Variants in CANT1 observed in about 807,000 individuals in gnomAD.
CANT1 encodes calcium activated nucleotidase 1, also known as soluble calcium-activated nucleotidase 1.
Under a neutral mutation model 30.0 loss-of-function variants are expected in CANT1, and 26 were observed. The observed-to-expected ratio is 0.87, with a 90% CI of 0.64 to 1.20. The LOEUF (loss-of-function observed/expected upper bound fraction) is 1.20. Ranked by LOEUF, CANT1 falls within the 50% of genes most tolerant of loss-of-function variation. The probability of loss-of-function intolerance (pLI) is 0.00; values close to 1 mark genes in which losing one functional copy is unlikely to be tolerated. For missense variants in CANT1, 518 were observed against 563.0 expected (o/e 0.92, Z 0.81); for synonymous variants, 246 against 251.8 (o/e 0.98, Z 0.22).
At chr17:79,000,976 G>C (rs552755864) in intron 1 of CANT1, among the ~76,000 whole-genome samples, 11 of 152,282 alleles carry the variant, frequency 7.2e-5, no homozygotes, top group Admixed American at 7.2e-4. Flanking sequence ...GATGCCAGGT[G>C]AGCCATTAGC....
At chr17:78,999,006 C>T (rs958116785) in intron 1 of CANT1, among the ~76,000 whole-genome samples, 17 of 152,170 alleles carry the variant, frequency 1.1e-4, no homozygotes, top group Non-Finnish European at 1.8e-4. Flanking sequence ...CCCTGGTGCA[C>T]GGCAGCCAGC....
At position 78,998,469 on chromosome 17, in the gene CANT1, A is replaced by G. The variant is rs1184608722; in HGVS notation, c.-146-506T>C. 1.3e-5 allele frequency among the ~76,000 whole-genome samples: 2 copies of G among 152,228 alleles called. No individual in the cohort carries two copies. The highest frequency in any genetic ancestry group is 2.1e-4 in the South Asian group (1 of 4,836). Reference sequence around the variant, plus strand: ...GCCAGCGTGTCTGTGCCTTGGCGCCAAAGAACTGCTCGGCTCACTGCGGGG... The same window carrying G: ...GCCAGCGTGTCTGTGCCTTGGCGCCGAAGAACTGCTCGGCTCACTGCGGGG... On this transcript the variant is annotated intron_variant, in intron 1 of 4. Transcript: ENST00000392446. The surrounding 1 kb of genome is among the most constrained non-coding windows in gnomAD (Gnocchi z 4.5).
chr17:78,992,198 T>C lies in CANT1; in HGVS notation c.*1352A>G. On this transcript the variant is annotated 3_prime_UTR_variant, in exon 5 of 5. Coordinates refer to ENST00000392446, the MANE Select transcript of CANT1 (RefSeq NM_001159773.2). ...AGAGAGGGGTCCCTCCTCGCTGCCC[T>C]CCTCGCAGCTGTGCTTGAGTTTCAA... 4.3e-6 allele frequency: 1 copy of C among 232,314 alleles called. No individual in the cohort carries two copies. Among genetic ancestry groups the C allele is most frequent in the Non-Finnish European group, 8.5e-6 (1 of 117,576 alleles). The allele number at this position is 232,314 out of a possible 1,614,324, so 14.4% of individuals were successfully genotyped here.
At chr17:78,999,545 C>A (rs182597943) in intron 1 of CANT1, among the ~76,000 whole-genome samples, 1 of 152,122 alleles carries the variant, frequency 6.6e-6, no homozygotes, top group Non-Finnish European at 1.5e-5. Flanking sequence ...ACAGTGATCA[C>A]GCTCACTGCA....
Position 79,002,140 on chromosome 17 carries a change from C to T in CANT1, c.-146-4177G>A, listed in dbSNP as rs142754475. ...CACAAATTCGTAAACTTTCTTAAAA[C>T]ATGATGAGATGAGATTTTTTGTTAA... On this transcript the variant is annotated intron_variant, in intron 1 of 4. Coordinates refer to ENST00000392446, the MANE Select transcript of CANT1 (RefSeq NM_001159773.2). The surrounding 1 kb of genome is among the most constrained non-coding windows in gnomAD (Gnocchi z 4.0). Among the ~76,000 whole-genome samples the T allele has an allele frequency of 2.2e-3, 329 of 152,316 alleles. No individual in the cohort carries two copies. The highest frequency in any genetic ancestry group is 0.014 in the Middle Eastern group (4 of 294).
At chr17:79,003,758 A>G (rs2071348846) in intron 1 of CANT1, among the ~76,000 whole-genome samples, 2 of 151,612 alleles carry the variant, frequency 1.3e-5, no homozygotes, top group South Asian at 4.2e-4. Flanking sequence ...CAAACCAGCT[A>G]TCTCCCAGAC....
rs376059595 is a variant in CANT1, at chr17:78,995,017, C to G, written c.835+1G>C. 1 of 1,565,086 alleles carries G rather than the reference C, an allele frequency of 6.4e-7. No individual in the cohort carries two copies. ...TGTGGGCTGGGGCAGGCGTCTCTTA[C>G]CTGGCGGCTGGATGCCGGCAGCAGC... On this transcript the variant is annotated splice_donor_variant, in intron 4 of 4. Coordinates refer to ENST00000392446, the MANE Select transcript of CANT1 (RefSeq NM_001159773.2). LOFTEE classifies it high-confidence loss of function. The surrounding 1 kb of genome is among the most constrained non-coding windows in gnomAD (Gnocchi z 5.7).
chr17:79,003,158 G>A (rs1436328684), intron 1 of CANT1, among the ~76,000 whole-genome samples: 4 of 152,226 alleles, frequency 2.6e-5, no homozygotes, highest in African/African-American at 9.6e-5. Context: ...AGAGACGCCA[G>A]GGCCTCAGCC....
rs1208668259 is a variant in CANT1 at position 79,008,477 on chromosome 17, A to G, written c.-147+1187T>C. 6.6e-6 allele frequency among the ~76,000 whole-genome samples: 1 copy of G among 152,238 alleles called. No homozygotes were observed. Among genetic ancestry groups the G allele is most frequent in the East Asian group, 1.9e-4 (1 of 5,198 alleles). On this transcript the variant is annotated intron_variant, in intron 1 of 4. Coordinates refer to ENST00000392446, the MANE Select transcript of CANT1 (RefSeq NM_001159773.2). The surrounding 1 kb of genome is among the most constrained non-coding windows in gnomAD (Gnocchi z 4.4). ...GGAGAGCTAGCCGGATTCACTTGAC[A>G]CCAAGAGCCTCACATTTCCAAACCT...
chr17:79,003,029 C>T (rs894433590), intron 1 of CANT1, among the ~76,000 whole-genome samples: 74 of 150,536 alleles, frequency 4.9e-4, no homozygotes, highest in African/African-American at 1.7e-3. Flanking sequence ...ATCAGTGTGA[C>T]GGAGGCAGGG....
chr17:78,999,630 C>CA (rs1326794558), intron 1 of CANT1, among the ~76,000 whole-genome samples: 1 of 151,262 alleles, frequency 6.6e-6, no homozygotes. Flanking sequence ...CGTGTGCCAC[C>CA]ACGCACAGCG....
chr17:78,994,369 C>T (rs1378556990), intron 4 of CANT1, among the ~76,000 whole-genome samples: 1 of 152,216 alleles, frequency 6.6e-6, no homozygotes, highest in Non-Finnish European at 1.5e-5. Flanking sequence ...AAGGCCTACT[C>T]CATCCTGACT....
intron 1 of CANT1, among the ~76,000 whole-genome samples, chr17:79,001,172 G>T (rs1245800410): frequency 6.6e-6 from 1 of 152,168 alleles, no homozygotes; most frequent in African/African-American, 2.4e-5. Context: ...GTCAGACATC[G>T]TGAGGTGTCG....
chr17:79,009,126 GT>G (rs2071653362), intron 1 of CANT1, among the ~76,000 whole-genome samples: 1 of 151,922 alleles, frequency 6.6e-6, no homozygotes, highest in Non-Finnish European at 1.5e-5. Flanking sequence ...GAGGGGGATG[GT>G]CCCCACACTA....
At chr17:79,006,998 A>C (rs1293692889) in intron 1 of CANT1, among the ~76,000 whole-genome samples, 1 of 152,200 alleles carries the variant, frequency 6.6e-6, no homozygotes, top group Non-Finnish European at 1.5e-5. Context: ...TGGTGGCATC[A>C]CGCACTGTCT....
Position 78,995,379 on chromosome 17 carries a change from G to GGGCC in CANT1, c.632-162_632-159dup, listed in dbSNP as rs2071002674. ...CCGGCCCGCACCTGGCTCCCGCCCA[G>GGGCC]GGCCGGCCGGCTGCCCTCCCCTCAG... On this transcript the variant is annotated intron_variant, in intron 3 of 4. Transcript: ENST00000392446. This position sits in a 1 kb window ranked among gnomAD's most constrained non-coding sequence, Gnocchi z 5.7. 1 of 751,958 alleles carries GGGCC rather than the reference G, an allele frequency of 1.3e-6. No homozygotes were observed. The highest frequency in any genetic ancestry group is 2.2e-5 in the Admixed American group (1 of 44,510). 46.6% of individuals were successfully genotyped at this position (751,958 alleles called of 1,614,324 possible).
chr17:78,993,815 C>CG lies in CANT1; in HGVS notation c.940dup (p.Arg314ProfsTer13). On this transcript the variant is annotated frameshift_variant, in exon 5 of 5. Coordinates refer to ENST00000392446, the MANE Select transcript of CANT1 (RefSeq NM_001159773.2). LOFTEE classifies it high-confidence loss of function. This position sits in a 1 kb window ranked among gnomAD's most constrained non-coding sequence, Gnocchi z 4.5. ...GCTCAGCAGCAGGTTGGCGCCCTTG[C>CG]GCTCGTCGTCCTTCTCGCTGTAGCG... The CG allele has an allele frequency of 6.2e-7, 1 of 1,607,370 alleles. No homozygotes were observed. The highest frequency in any genetic ancestry group is 8.5e-7 in the Non-Finnish European group (1 of 1,177,706).
rs1271493345 is a variant in CANT1 at position 79,002,074 on chromosome 17, G to T, written c.-146-4111C>A. 6.6e-6 allele frequency among the ~76,000 whole-genome samples: 1 copy of T among 152,054 alleles called. No homozygotes were observed. Among genetic ancestry groups the T allele is most frequent in the African/African-American group, 2.4e-5 (1 of 41,396 alleles). On this transcript the variant is annotated intron_variant, in intron 1 of 4. Transcript: ENST00000392446. The surrounding 1 kb of genome is among the most constrained non-coding windows in gnomAD (Gnocchi z 4.0). ...CACCCTGATGACTCTCAGAGTCTTG[G>T]TCTAATGATCTAGACCAAGCTTGTC...
intron 1 of CANT1, among the ~76,000 whole-genome samples, chr17:79,007,769 C>T (rs1376137978): frequency 6.6e-6 from 1 of 152,154 alleles, no homozygotes; most frequent in Admixed American, 6.5e-5. Context: ...AGCTTTTACA[C>T]CAACACATTT....
Sources: gnomAD v4.1 joint callset for allele counts (sites outside exome capture counted in the v4.1 genomes callset) on GRCh38, gnomAD v4.1.1 for gene constraint, Gnocchi (gnomAD v3.1) non-coding constraint, MANE v1.5 for transcripts, NCBI Gene and HGNC (gene_info 2026-07-23, HGNC 2026-07-21) for gene names.